The following LRRC4C variants were observed in gnomAD, a reference collection of about 807,000 sequenced individuals.
The protein encoded by LRRC4C is leucine-rich repeat-containing protein 4C.
LRRC4C carries 5 observed loss-of-function variants against 33.6 expected under a neutral mutation model. That is an observed-to-expected ratio of 0.15 (90% CI 0.08 to 0.31). The LOEUF (loss-of-function observed/expected upper bound fraction) is 0.31, where lower values mean the gene tolerates loss of function less well. LRRC4C is among the 10% of genes least tolerant of loss of function. LRRC4C has a pLI of 1.00. For missense variants in LRRC4C, 560 were observed against 796.7 expected (o/e 0.70, Z 3.58); for synonymous variants, 329 against 302.0 (o/e 1.09, Z -0.93).
At chr11:40,995,862 T>TA (rs35869533) in intron 1 of LRRC4C, among the ~76,000 whole-genome samples, 4 of 152,176 alleles carry the variant, frequency 2.6e-5, no homozygotes, top group Non-Finnish European at 5.9e-5. Flanking sequence ...ATTCATTTTT[T>TA]AGTAACCTTT....
intron 2 of LRRC4C, among the ~76,000 whole-genome samples, chr11:40,751,606 TA>T (rs1369667319): frequency 6.6e-6 from 1 of 151,260 alleles, no homozygotes; most frequent in East Asian, 1.9e-4. Flanking sequence ...ATTGTAGAGG[TA>T]AAAAAAATAA....
intron 2 of LRRC4C, among the ~76,000 whole-genome samples, chr11:40,886,277 C>G (rs1236240709): frequency 6.6e-6 from 1 of 151,812 alleles, no homozygotes; most frequent in African/African-American, 2.4e-5. Flanking sequence ...CCTAGAAAAA[C>G]CCAGTTAAGT....
chr11:40,581,445 T>A (rs765642669), intron 3 of LRRC4C, among the ~76,000 whole-genome samples: 17 of 152,242 alleles, frequency 1.1e-4, no homozygotes, highest in Non-Finnish European at 4.4e-5. Context: ...GCTCATGTTC[T>A]TAGCAGGGTT....
intron 3 of LRRC4C, among the ~76,000 whole-genome samples, chr11:40,635,577 G>C (rs1963873725): frequency 7.3e-6 from 1 of 137,184 alleles, no homozygotes; most frequent in Non-Finnish European, 1.6e-5. Context: ...AAAATCAGAA[G>C]AAAAAGCTAT....
intron 3 of LRRC4C, among the ~76,000 whole-genome samples, chr11:40,389,589 G>T (rs1418447145): frequency 1.3e-5 from 2 of 152,128 alleles, no homozygotes; most frequent in African/African-American, 4.8e-5. Flanking sequence ...GAGAGAGAAG[G>T]ATTTTAATTC....
intron 2 of LRRC4C, among the ~76,000 whole-genome samples, chr11:40,851,990 T>G (rs1255497612): frequency 2.0e-5 from 3 of 152,116 alleles, no homozygotes; most frequent in Non-Finnish European, 4.4e-5. Context: ...TTTCGTACTT[T>G]TTAAAAAAAT....
chr11:41,378,507 C>G (rs572938788), intron 1 of LRRC4C, among the ~76,000 whole-genome samples: 1 of 152,194 alleles, frequency 6.6e-6, no homozygotes, highest in South Asian at 2.1e-4. Flanking sequence ...TACAGTAATT[C>G]ATCTCTTAAG....
intron 2 of LRRC4C, among the ~76,000 whole-genome samples, chr11:40,665,708 A>G (rs900768783): frequency 6.6e-6 from 1 of 152,024 alleles, no homozygotes; most frequent in African/African-American, 2.4e-5. Flanking sequence ...TTGAGGAGCA[A>G]TTTAACAATA....
In LRRC4C at chr11:41,408,755, A is replaced by AAAAAAAAAAACAAAC. The variant is rs1555167135; in HGVS notation, c.-496+50675_-496+50676insGTTTGTTTTTTTTTT. On this transcript the variant is annotated intron_variant, in intron 1 of 6. Coordinates refer to ENST00000528697, the MANE Select transcript of LRRC4C (RefSeq NM_001258419.2). Reference sequence around the variant, plus strand: ...AGAAAGGTATATTTTTGTAAAAAAAAAAAAAAAAAAAACTGAGTCTCTCAA... The same window carrying AAAAAAAAAAACAAAC: ...AGAAAGGTATATTTTTGTAAAAAAAAAAAAAAAAAACAAACAAAAAAAAAAAACTGAGTCTCTCAA... Among the ~76,000 whole-genome samples, 12 of 148,102 alleles carry AAAAAAAAAAACAAAC rather than the reference A, an allele frequency of 8.1e-5. 1 individual carries two copies. The highest frequency in any genetic ancestry group is 2.9e-4 in the African/African-American group (11 of 37,802).
chr11:40,856,694 C>A (rs999902338), intron 2 of LRRC4C, among the ~76,000 whole-genome samples: 1 of 152,108 alleles, frequency 6.6e-6, no homozygotes, highest in Non-Finnish European at 1.5e-5. Flanking sequence ...AACAATATTT[C>A]TTAATTGATT....
chr11:40,175,243 C>A (rs1860376808), intron 5 of LRRC4C, among the ~76,000 whole-genome samples: 1 of 152,220 alleles, frequency 6.6e-6, no homozygotes, highest in African/African-American at 2.4e-5. Context: ...AAATTCATCA[C>A]TAAAAGAGAA....
intron 4 of LRRC4C, among the ~76,000 whole-genome samples, chr11:40,271,857 T>G (rs1333066280): frequency 1.3e-5 from 2 of 152,200 alleles, no homozygotes; most frequent in Non-Finnish European, 2.9e-5. Flanking sequence ...TATCATGTCC[T>G]ATGATTTTCA....
At chr11:41,204,067 C>T (rs181993251) in intron 1 of LRRC4C, among the ~76,000 whole-genome samples, 291 of 152,156 alleles carry the variant, frequency 1.9e-3, no homozygotes, top group Non-Finnish European at 3.2e-3. Context: ...AATAGGTCCT[C>T]TTGAAATAAT....
intron 1 of LRRC4C, among the ~76,000 whole-genome samples, chr11:41,252,731 C>T (rs1212594833): frequency 6.6e-6 from 1 of 152,144 alleles, no homozygotes. Flanking sequence ...TTAATTGACT[C>T]ACAGTTCCAC....
At chr11:40,689,623 A>G (rs953276183) in intron 2 of LRRC4C, among the ~76,000 whole-genome samples, 1 of 152,134 alleles carries the variant, frequency 6.6e-6, no homozygotes, top group African/African-American at 2.4e-5. Flanking sequence ...TAATATTTAC[A>G]GGAAAAATCA....
intron 1 of LRRC4C, among the ~76,000 whole-genome samples, chr11:41,161,651 C>T (rs957610699): frequency 8.5e-5 from 13 of 152,180 alleles, no homozygotes; most frequent in African/African-American, 2.9e-4. Context: ...GAGTCAAAAA[C>T]TGATTTTTGC....
chr11:40,899,913 C>A lies in LRRC4C; in HGVS notation c.-407+33722G>T, dbSNP rs530430188. Reference sequence around the variant, plus strand: ...AAAGATATGTTATTCCTTTTATAGTCAAAAATTAAAATGTATGTGTCTGGA... The same window carrying A: ...AAAGATATGTTATTCCTTTTATAGTAAAAAATTAAAATGTATGTGTCTGGA... On this transcript the variant is annotated intron_variant, in intron 2 of 6. Coordinates refer to ENST00000528697, the MANE Select transcript of LRRC4C (RefSeq NM_001258419.2). Among the ~76,000 whole-genome samples, 230 of 152,154 alleles carry A rather than the reference C, an allele frequency of 1.5e-3. 2 individuals are homozygous for A. Among genetic ancestry groups the A allele is most frequent in the African/African-American group, 5.4e-3 (224 of 41,516 alleles).
At chr11:40,279,911 T>A (rs1014988448) in intron 4 of LRRC4C, among the ~76,000 whole-genome samples, 1 of 152,206 alleles carries the variant, frequency 6.6e-6, no homozygotes. Flanking sequence ...AAATCTTTAG[T>A]ATATGAATCT....
chr11:40,424,666 A>G (rs1286898960), intron 3 of LRRC4C, among the ~76,000 whole-genome samples: 2 of 152,254 alleles, frequency 1.3e-5, no homozygotes, highest in Non-Finnish European at 2.9e-5. Flanking sequence ...ATGAGAAAGA[A>G]TGAAGCAGCT....
Sources: gnomAD v4.1 joint callset for allele counts (sites outside exome capture counted in the v4.1 genomes callset) on GRCh38, gnomAD v4.1.1 for gene constraint, MANE v1.5 for transcripts, NCBI Gene and HGNC (gene_info 2026-07-23, HGNC 2026-07-21) for gene names.